CAMTA1: variants seen among roughly 807,000 people sequenced by gnomAD.
CAMTA1 encodes calmodulin-binding transcription activator 1.
Under a neutral mutation model 170.9 loss-of-function variants are expected in CAMTA1, and 27 were observed. The observed-to-expected ratio is 0.16, with a 90% CI of 0.12 to 0.22. CAMTA1 has a LOEUF of 0.22. Ranked by LOEUF, CAMTA1 falls within the 10% of genes least tolerant of loss-of-function variation. The probability of loss-of-function intolerance (pLI) is 1.00; values close to 1 mark genes in which losing one functional copy is unlikely to be tolerated. For synonymous variants in CAMTA1, 833 were observed against 891.5 expected (o/e 0.93, Z 1.17); for missense variants, 1,619 against 2,217.2 (o/e 0.73, Z 5.42).
Position 6,840,209 on chromosome 1 carries a change from AGAGTT to A in CAMTA1, c.234+15003_234+15007del, listed in dbSNP as rs1259443127. Reference sequence around the variant, plus strand: ...AGCGGAACACCGTCTCAAAAAAAAAAGAGTTGAGATTTTGTTTTAAGGGCAACATG... The same window carrying A: ...AGCGGAACACCGTCTCAAAAAAAAAAGAGATTTTGTTTTAAGGGCAACATG... On this transcript the variant is annotated intron_variant, in intron 3 of 22. Transcript: ENST00000303635. Among the ~76,000 whole-genome samples, 6 of 152,282 alleles carry A rather than the reference AGAGTT, an allele frequency of 3.9e-5. No individual in the cohort carries two copies. In the South Asian group the frequency reaches 6.2e-4, roughly 16 times the overall value.
chr1:7,443,516 C>G lies in CAMTA1; in HGVS notation c.439-24314C>G, dbSNP rs941529872. 6.6e-6 allele frequency among the ~76,000 whole-genome samples: 1 copy of G among 152,092 alleles called. No individual in the cohort carries two copies. The highest frequency in any genetic ancestry group is 1.5e-5 in the Non-Finnish European group (1 of 68,020). Reference sequence around the variant, plus strand: ...GCGCCTGGACCACCTCAGCACAATACCTACCACTGATTGAGCTTCTGCTTG... The same window carrying G: ...GCGCCTGGACCACCTCAGCACAATAGCTACCACTGATTGAGCTTCTGCTTG... On this transcript the variant is annotated intron_variant, in intron 5 of 22. Coordinates refer to ENST00000303635, the MANE Select transcript of CAMTA1 (RefSeq NM_015215.4). The surrounding 1 kb of genome is among the most constrained non-coding windows in gnomAD (Gnocchi z 4.1).
intron 6 of CAMTA1, among the ~76,000 whole-genome samples, chr1:7,623,422 C>T (rs186098726): frequency 6.6e-6 from 1 of 152,268 alleles, no homozygotes; most frequent in East Asian, 1.9e-4. Flanking sequence ...TGAGCTGGGA[C>T]CCCAGTCATT....
chr1:6,796,042 C>G (rs540863422), intron 1 of CAMTA1, among the ~76,000 whole-genome samples: 1 of 151,004 alleles, frequency 6.6e-6, no homozygotes, highest in Non-Finnish European at 1.5e-5. Context: ...GTGACTTGAA[C>G]TGTGTTGTGA....
chr1:7,391,219 A>G (rs2088674090), intron 5 of CAMTA1, among the ~76,000 whole-genome samples: 1 of 150,720 alleles, frequency 6.6e-6, no homozygotes, highest in African/African-American at 2.4e-5. Flanking sequence ...CTGGTCTCCA[A>G]CTCCTGACCT....
intron 5 of CAMTA1, among the ~76,000 whole-genome samples, chr1:7,404,567 G>A (rs531490777): frequency 6.6e-5 from 10 of 152,308 alleles, no homozygotes; most frequent in South Asian, 2.1e-4. Context: ...ATGTTGTATC[G>A]TTGCTGGAGA....
chr1:7,138,448 G>A (rs987057683), intron 4 of CAMTA1, among the ~76,000 whole-genome samples: 1 of 152,118 alleles, frequency 6.6e-6, no homozygotes, highest in African/African-American at 2.4e-5. Context: ...ATTTAAATAT[G>A]CATTTTTATG....
chr1:7,061,638 G>A lies in CAMTA1; in HGVS notation c.235-29666G>A, dbSNP rs552095712. Among the ~76,000 whole-genome samples, 7 of 151,444 alleles carry A rather than the reference G, an allele frequency of 4.6e-5. No individual in the cohort carries two copies. The East Asian group carries it at 5.9e-4, about 13-fold the overall frequency. ...GAACAGGCAGATATTCACTGTCAGC[G>A]GCGGAAACCAGCTGTGCAAAGGCCC... On this transcript the variant is annotated intron_variant, in intron 3 of 22. Transcript: ENST00000303635.
At chr1:7,282,904 A>G (rs1207238181) in intron 5 of CAMTA1, among the ~76,000 whole-genome samples, 2 of 152,078 alleles carry the variant, frequency 1.3e-5, no homozygotes, top group Non-Finnish European at 2.9e-5. Flanking sequence ...CTGGTTTTCC[A>G]GTAGCACCAA....
intron 4 of CAMTA1, among the ~76,000 whole-genome samples, chr1:7,171,815 T>C (rs1649667414): frequency 6.6e-6 from 1 of 152,128 alleles, no homozygotes; most frequent in South Asian, 2.1e-4. Flanking sequence ...GCCTTCTGTC[T>C]CCATGGATTT....
intron 3 of CAMTA1, among the ~76,000 whole-genome samples, chr1:6,995,698 G>A (rs1697151545): frequency 6.6e-6 from 1 of 152,156 alleles, no homozygotes; most frequent in Non-Finnish European, 1.5e-5. Flanking sequence ...GATTGCTTTT[G>A]AAAAGAAAGC....
At chr1:7,268,028 A>G (rs1447086136) in intron 5 of CAMTA1, among the ~76,000 whole-genome samples, 1 of 152,226 alleles carries the variant, frequency 6.6e-6, no homozygotes, top group Non-Finnish European at 1.5e-5. Flanking sequence ...GACACAATAT[A>G]GGAAACAACT....
rs144233114 is a variant in CAMTA1 at position 7,093,196 on chromosome 1, A to C, written c.302+1825A>C. On this transcript the variant is annotated intron_variant, in intron 4 of 22. Transcript: ENST00000303635. This position sits in a 1 kb window ranked among gnomAD's most constrained non-coding sequence, Gnocchi z 4.6. ...CAGAATCAGCTGAGGGCTCATTAAA[A>C]TGCGGGCCCCACCCTAGGGTTTCTG... Among the ~76,000 whole-genome samples the C allele has an allele frequency of 6.1e-3, 930 of 152,314 alleles. 1 individual carries two copies. Among genetic ancestry groups the C allele is most frequent in the Middle Eastern group, 0.01 (3 of 294 alleles).
intron 4 of CAMTA1, among the ~76,000 whole-genome samples, chr1:7,196,883 C>T (rs17030562): frequency 6.6e-6 from 1 of 152,142 alleles, no homozygotes; most frequent in South Asian, 2.1e-4. Flanking sequence ...CAGTTTCAGT[C>T]CTCGGTTGTA....
At position 7,634,604 on chromosome 1, in the gene CAMTA1, G is replaced by T. The variant is rs2095696310; in HGVS notation, c.511-5796G>T. Among the ~76,000 whole-genome samples the T allele has an allele frequency of 6.6e-6, 1 of 152,048 alleles. No homozygotes were observed. The highest frequency in any genetic ancestry group is 1.5e-5 in the Non-Finnish European group (1 of 68,004). On this transcript the variant is annotated intron_variant, in intron 6 of 22. Coordinates refer to ENST00000303635, the MANE Select transcript of CAMTA1 (RefSeq NM_015215.4). The surrounding 1 kb of genome is among the most constrained non-coding windows in gnomAD (Gnocchi z 6.2). ...GGAAAGAGGGAGAAAGAGAGCGAGA[G>T]AGAGGGAGGCCAGAGCCCCAGGCTG...
chr1:6,999,335 G>A (rs1697827785), intron 3 of CAMTA1, among the ~76,000 whole-genome samples: 1 of 152,196 alleles, frequency 6.6e-6, no homozygotes, highest in Non-Finnish European at 1.5e-5. Context: ...TTGGCAGGCT[G>A]TACAAGCATG....
chr1:7,413,315 G>A (rs1362885656), intron 5 of CAMTA1, among the ~76,000 whole-genome samples: 2 of 152,104 alleles, frequency 1.3e-5, no homozygotes. Context: ...AGCTTGATGG[G>A]GATGGCATTG....
Position 7,455,905 on chromosome 1 carries a change from G to A in CAMTA1, c.439-11925G>A, listed in dbSNP as rs2092939835. 2.0e-5 allele frequency among the ~76,000 whole-genome samples: 3 copies of A among 152,206 alleles called. No homozygotes were observed. Among genetic ancestry groups the A allele is most frequent in the African/African-American group, 4.8e-5 (2 of 41,450 alleles). On this transcript the variant is annotated intron_variant, in intron 5 of 22. Transcript: ENST00000303635. This position sits in a 1 kb window ranked among gnomAD's most constrained non-coding sequence, Gnocchi z 5.0. ...TGGCAGATGAGTAGAGAGAAAGGCC[G>A]GCCACCTGGGGCTGTGTAGCCGAAG...
intron 4 of CAMTA1, among the ~76,000 whole-genome samples, chr1:7,185,590 G>A (rs1213115869): frequency 6.6e-6 from 1 of 152,140 alleles, no homozygotes; most frequent in African/African-American, 2.4e-5. Flanking sequence ...AATTTCAAAG[G>A]GGGAATTACA....
intron 5 of CAMTA1, among the ~76,000 whole-genome samples, chr1:7,399,604 T>C (rs1207903313): frequency 6.6e-6 from 1 of 152,244 alleles, no homozygotes; most frequent in Non-Finnish European, 1.5e-5. Context: ...ACAATAGTAA[T>C]TATTGTTCCT....
Sources: allele counts gnomAD v4.1 joint callset (sites outside exome capture counted in the v4.1 genomes callset), GRCh38; gene constraint gnomAD v4.1.1; non-coding constraint Gnocchi (gnomAD v3.1); transcripts MANE v1.5; gene names NCBI Gene and HGNC (gene_info 2026-07-23, HGNC 2026-07-21).